NKAIN2: variants seen among roughly 807,000 people sequenced by gnomAD.
The protein encoded by NKAIN2 is sodium/potassium-transporting ATPase subunit beta-1-interacting protein 2.
In NKAIN2, 14 loss-of-function variants were observed where a neutral mutation model predicts 32.6. The observed-to-expected ratio is 0.43, with a 90% CI of 0.28 to 0.67. The LOEUF (loss-of-function observed/expected upper bound fraction) is 0.67, where lower values mean the gene tolerates loss of function less well. Among genes scored for constraint, NKAIN2 ranks in the 30% least tolerant of loss-of-function variants. The pLI, the probability that NKAIN2 is intolerant of heterozygous loss-of-function variation, is 0.17. For synonymous variants in NKAIN2, 80 were observed against 87.2 expected, an observed-to-expected ratio of 0.92 and a Z score of 0.46; for missense variants, 198 against 258.3, an observed-to-expected ratio of 0.77 and a Z score of 1.60.
At chr6:123,818,770 G>A (rs766532201) in intron 1 of NKAIN2, among the ~76,000 whole-genome samples, 45 of 152,024 alleles carry the variant, frequency 3.0e-4, no homozygotes, top group East Asian at 3.9e-4. Flanking sequence ...AGGCATTTCC[G>A]GCTTCATTTT....
At chr6:123,950,979 T>C (rs1238102368) in intron 1 of NKAIN2, among the ~76,000 whole-genome samples, 1 of 151,978 alleles carries the variant, frequency 6.6e-6, no homozygotes, top group Admixed American at 6.6e-5. Flanking sequence ...TTTTTGTGTG[T>C]TATGCTTTGG....
chr6:124,662,306 TA>T (rs1220742266), intron 4 of NKAIN2, among the ~76,000 whole-genome samples: 18 of 18,894 alleles, frequency 9.5e-4, no homozygotes, highest in African/African-American at 5.8e-3. Context: ...GAATAATTTA[TA>T]TATATATATA....
At chr6:124,206,083 C>A (rs759556494) in intron 1 of NKAIN2, among the ~76,000 whole-genome samples, 1 of 151,864 alleles carries the variant, frequency 6.6e-6, no homozygotes, top group Admixed American at 6.6e-5. Context: ...ATTTCCCAAC[C>A]ACAGTAATCA....
intron 1 of NKAIN2, among the ~76,000 whole-genome samples, chr6:124,184,002 A>T (rs1789582532): frequency 1.3e-5 from 2 of 152,202 alleles, no homozygotes; most frequent in Non-Finnish European, 2.9e-5. Flanking sequence ...CTGACAGATC[A>T]TCAAAACAAG....
intron 1 of NKAIN2, among the ~76,000 whole-genome samples, chr6:124,192,354 T>C (rs751348875): frequency 2.6e-5 from 4 of 152,224 alleles, no homozygotes; most frequent in African/African-American, 4.8e-5. Flanking sequence ...CTTTGATTTA[T>C]AGATTATTTA....
intron 1 of NKAIN2, among the ~76,000 whole-genome samples, chr6:124,219,840 G>T (rs899011412): frequency 6.6e-6 from 1 of 151,818 alleles, no homozygotes; most frequent in African/African-American, 2.4e-5. Flanking sequence ...CTAAATGGAA[G>T]GATAAGAGAT....
chr6:124,452,734 G>A (rs1298076407), intron 3 of NKAIN2, among the ~76,000 whole-genome samples: 2 of 152,108 alleles, frequency 1.3e-5, no homozygotes, highest in Non-Finnish European at 2.9e-5. Context: ...GCTATGCTAG[G>A]ATTAAAAACT....
At chr6:124,571,777 A>C (rs1418085725) in intron 3 of NKAIN2, among the ~76,000 whole-genome samples, 1 of 152,102 alleles carries the variant, frequency 6.6e-6, no homozygotes, top group Non-Finnish European at 1.5e-5. Context: ...CATTTTTCTT[A>C]CATTCCATTC....
chr6:124,247,929 A>G (rs1219676814), intron 1 of NKAIN2, among the ~76,000 whole-genome samples: 3 of 152,052 alleles, frequency 2.0e-5, no homozygotes, highest in Non-Finnish European at 4.4e-5. Flanking sequence ...GTCTTCTAAG[A>G]TGAATTAAAA....
At chr6:124,254,058 G>A (rs1166306915) in intron 1 of NKAIN2, among the ~76,000 whole-genome samples, 1 of 151,730 alleles carries the variant, frequency 6.6e-6, no homozygotes, top group South Asian at 2.1e-4. Flanking sequence ...CTCGTGATCC[G>A]CCCGCCTCGG....
At chr6:124,484,974 G>T (rs1395175082) in intron 3 of NKAIN2, among the ~76,000 whole-genome samples, 1 of 152,110 alleles carries the variant, frequency 6.6e-6, no homozygotes, top group Non-Finnish European at 1.5e-5. Context: ...AGCCCCTTCT[G>T]AGTGAATACA....
At chr6:123,956,291 T>A (rs1235861637) in intron 1 of NKAIN2, among the ~76,000 whole-genome samples, 1 of 152,188 alleles carries the variant, frequency 6.6e-6, no homozygotes, top group Non-Finnish European at 1.5e-5. Flanking sequence ...TGAAAATTCA[T>A]ATGTTGAAGC....
At chr6:123,872,856 A>G (rs943609380) in intron 1 of NKAIN2, among the ~76,000 whole-genome samples, 2 of 152,204 alleles carry the variant, frequency 1.3e-5, no homozygotes, top group African/African-American at 4.8e-5. Context: ...TGGAACTCTA[A>G]TATTTTTAGC....
intron 3 of NKAIN2, among the ~76,000 whole-genome samples, chr6:124,512,713 A>G (rs1778760366): frequency 6.6e-6 from 1 of 152,170 alleles, no homozygotes; most frequent in African/African-American, 2.4e-5. Context: ...CCTCTGCAAG[A>G]AAATGTGGTC....
intron 3 of NKAIN2, among the ~76,000 whole-genome samples, chr6:124,494,100 T>C (rs1777975530): frequency 6.6e-6 from 1 of 152,088 alleles, no homozygotes; most frequent in Non-Finnish European, 1.5e-5. Context: ...AACTCCATCT[T>C]GATATATCTG....
At chr6:124,413,481 G>A (rs1469246582) in intron 3 of NKAIN2, among the ~76,000 whole-genome samples, 2 of 152,036 alleles carry the variant, frequency 1.3e-5, no homozygotes, top group Non-Finnish European at 2.9e-5. Flanking sequence ...GAAATCAGAT[G>A]GTATTTGTCC....
At chr6:124,635,016 C>A (rs1583558606) in intron 3 of NKAIN2, among the ~76,000 whole-genome samples, 4 of 137,358 alleles carry the variant, frequency 2.9e-5, no homozygotes, top group Non-Finnish European at 4.8e-5. Flanking sequence ...AAGAAAAAGA[C>A]AAGGTAAGGA....
At chr6:124,447,250 T>C (rs1374478387) in intron 3 of NKAIN2, among the ~76,000 whole-genome samples, 3 of 152,070 alleles carry the variant, frequency 2.0e-5, no homozygotes, top group Non-Finnish European at 4.4e-5. Flanking sequence ...TACTAGCATA[T>C]ATATCCTGCC....
intron 3 of NKAIN2, among the ~76,000 whole-genome samples, chr6:124,465,567 C>T (rs951131639): frequency 4.7e-5 from 7 of 148,432 alleles, no homozygotes; most frequent in African/African-American, 1.7e-4. Flanking sequence ...CACCATGGCA[C>T]ATGTATACCT....
Sources: gnomAD v4.1 joint callset for allele counts (sites outside exome capture counted in the v4.1 genomes callset) on GRCh38, gnomAD v4.1.1 for gene constraint, MANE v1.5 for transcripts, NCBI Gene and HGNC (gene_info 2026-07-23, HGNC 2026-07-21) for gene names.